Variants in ARFIP1 observed in about 807,000 individuals in gnomAD.
ARFIP1 encodes arfaptin-1.
Under a neutral mutation model 42.5 loss-of-function variants are expected in ARFIP1, and 24 were observed. That is an observed-to-expected ratio of 0.57 (90% CI 0.41 to 0.80). The LOEUF (loss-of-function observed/expected upper bound fraction) is 0.80, where lower values mean the gene tolerates loss of function less well. Among genes scored for constraint, ARFIP1 ranks in the 30% least tolerant of loss-of-function variants. The pLI is 0.00. For synonymous variants in ARFIP1, 141 were observed against 153.7 expected (o/e 0.92, Z 0.61); for missense variants, 354 against 434.0 (o/e 0.82, Z 1.64).
At chr4:152,843,873 C>T (rs1319558000) in intron 2 of ARFIP1, among the ~76,000 whole-genome samples, 1 of 152,206 alleles carries the variant, frequency 6.6e-6, no homozygotes, top group Non-Finnish European at 1.5e-5. Flanking sequence ...GGGCTTGGTT[C>T]TTGCATGGCC....
At chr4:152,803,004 T>C (rs1435457919) in intron 1 of ARFIP1, among the ~76,000 whole-genome samples, 4 of 152,190 alleles carry the variant, frequency 2.6e-5, no homozygotes, top group Non-Finnish European at 5.9e-5. Flanking sequence ...GAAAAGGCTA[T>C]ACAGTAGGGG....
chr4:152,897,187 T>G (rs1165113161), intron 8 of ARFIP1, among the ~76,000 whole-genome samples: 2 of 152,266 alleles, frequency 1.3e-5, no homozygotes, highest in Admixed American at 1.3e-4. Flanking sequence ...AGGTTGATTT[T>G]TAAACTAGAC....
intron 8 of ARFIP1, among the ~76,000 whole-genome samples, chr4:152,901,731 C>T (rs1218949104): frequency 2.0e-5 from 3 of 152,122 alleles, no homozygotes; most frequent in Non-Finnish European, 4.4e-5. Context: ...TAACTTAGGA[C>T]ATAAATAGTT....
At chr4:152,819,648 C>T (rs892692983) in intron 1 of ARFIP1, among the ~76,000 whole-genome samples, 3 of 152,218 alleles carry the variant, frequency 2.0e-5, no homozygotes, top group Admixed American at 2.0e-4. Flanking sequence ...AAGGGAGTAC[C>T]CCGTGGGACA....
rs143265154 is a variant in ARFIP1 at position 152,857,890 on chromosome 4, C to G, written c.94-5716C>G. ...TGTCCCCACCCCCCAGAACATCAGT[C>G]TATGTGGGCAGGGACTTTATCTGTT... On this transcript the variant is annotated intron_variant, in intron 2 of 8. Coordinates refer to ENST00000353617, the MANE Select transcript of ARFIP1 (RefSeq NM_001025595.3). 6.6e-5 allele frequency among the ~76,000 whole-genome samples: 10 copies of G among 152,328 alleles called. No individual in the cohort carries two copies. The East Asian group carries it at 1.9e-3, about 29-fold the overall frequency.
In ARFIP1 at chr4:152,889,588, C is replaced by CATATATGTGTATAAATATATAT. The variant is rs1268260340; in HGVS notation, c.966+1282_966+1283insTATATGTGTATAAATATATATA. On this transcript the variant is annotated intron_variant, in intron 8 of 8. Transcript: ENST00000353617. The stretch of plus-strand genomic sequence containing the variant: ...TTATGTGTATATATAAATATATATA[C>CATATATGTGTATAAATATATAT]ACATAAATATATATATACTATATAT... Among the ~76,000 whole-genome samples, 3 of 106,456 alleles carry CATATATGTGTATAAATATATAT rather than the reference C, an allele frequency of 2.8e-5. No homozygotes were observed. The East Asian group carries it at 7.3e-4, about 26-fold the overall frequency. The allele number at this position is 106,456 out of a possible 152,430, so 69.8% of individuals were successfully genotyped here.
intron 3 of ARFIP1, 33 bp downstream of exon 3, chr4:152,863,747 G>A: frequency 7.0e-7 from 1 of 1,424,138 alleles, no homozygotes; most frequent in Non-Finnish European, 9.9e-7. Flanking sequence ...AGATGGCTGG[G>A]ATAGAGGATG....
At chr4:152,832,415 T>A (rs1429306552) in intron 2 of ARFIP1, among the ~76,000 whole-genome samples, 1 of 152,246 alleles carries the variant, frequency 6.6e-6, no homozygotes, top group Non-Finnish European at 1.5e-5. Context: ...TTGCCCGTTT[T>A]TCTACTGGGT....
intron 8 of ARFIP1, 137 bp from the exon 9 acceptor site, chr4:152,909,927 G>A (rs1738698648): frequency 3.6e-6 from 4 of 1,114,850 alleles, no homozygotes; most frequent in Non-Finnish European, 3.8e-6. Context: ...CTTGGTATGT[G>A]TGAAATACTT....
chr4:152,875,361 AAG>A (rs1257935154), intron 5 of ARFIP1, among the ~76,000 whole-genome samples: 2 of 145,002 alleles, frequency 1.4e-5, no homozygotes, highest in African/African-American at 5.2e-5. Context: ...GTGCTTTTTG[AAG>A]TTTGTCTTTT....
At chr4:152,834,409 C>T (rs1437848033) in intron 2 of ARFIP1, among the ~76,000 whole-genome samples, 1 of 152,174 alleles carries the variant, frequency 6.6e-6, no homozygotes, top group Non-Finnish European at 1.5e-5. Context: ...GAATTTCTTC[C>T]ACCTATGAGT....
chr4:152,859,964 T>C (rs1733755156), intron 2 of ARFIP1, among the ~76,000 whole-genome samples: 1 of 151,932 alleles, frequency 6.6e-6, no homozygotes, highest in African/African-American at 2.4e-5. Flanking sequence ...TATAATTTCA[T>C]GACTTTGTCA....
At position 152,847,518 on chromosome 4, in the gene ARFIP1, A is replaced by G. The variant is rs141801160; in HGVS notation, c.94-16088A>G. ...ATTATCTCAGTTTTTTACAGCAAAAATATTTCTGCTTCTAAATAAATGCAT... is the reference window on the plus strand; with the variant it reads ...ATTATCTCAGTTTTTTACAGCAAAAGTATTTCTGCTTCTAAATAAATGCAT... On this transcript the variant is annotated intron_variant, in intron 2 of 8. Transcript: ENST00000353617. Among the ~76,000 whole-genome samples the G allele has an allele frequency of 7.5e-3, 1,145 of 152,146 alleles. 11 individuals carry two copies. The highest frequency in any genetic ancestry group is 0.012 in the Non-Finnish European group (793 of 68,000).
intron 2 of ARFIP1, among the ~76,000 whole-genome samples, chr4:152,840,618 C>T (rs189998948): frequency 6.6e-6 from 1 of 151,902 alleles, no homozygotes; most frequent in African/African-American, 2.4e-5. Context: ...TTTACCACTC[C>T]TTTAAGTTTA....
At chr4:152,839,134 C>T (rs950897114) in intron 2 of ARFIP1, among the ~76,000 whole-genome samples, 5 of 152,152 alleles carry the variant, frequency 3.3e-5, no homozygotes, top group African/African-American at 1.2e-4. Context: ...ATGAAACCCA[C>T]TTGATCATGG....
At chr4:152,801,583 T>C (rs1184820355) in intron 1 of ARFIP1, among the ~76,000 whole-genome samples, 1 of 152,184 alleles carries the variant, frequency 6.6e-6, no homozygotes, top group Non-Finnish European at 1.5e-5. Flanking sequence ...ATTACCTTCC[T>C]ACTGAGGCCA....
intron 3 of ARFIP1, among the ~76,000 whole-genome samples, chr4:152,864,521 C>CGAAT (rs1256525139): frequency 6.6e-6 from 1 of 152,206 alleles, no homozygotes; most frequent in African/African-American, 2.4e-5. Flanking sequence ...TTGCTTAATT[C>CGAAT]CTCCAGCAGT....
chr4:152,795,157 G>A (rs1251607344), intron 1 of ARFIP1, among the ~76,000 whole-genome samples: 4 of 148,812 alleles, frequency 2.7e-5, no homozygotes, highest in Admixed American at 1.3e-4. Flanking sequence ...TTATCCTTCC[G>A]GTGTTTTTGT....
Position 152,863,633 on chromosome 4 carries a change from C to T in ARFIP1, c.121C>T (p.Leu41Phe). 6.2e-7 allele frequency: 1 copy of T among 1,606,652 alleles called. No individual in the cohort carries two copies. The highest frequency in any genetic ancestry group is 1.3e-5 in the African/African-American group (1 of 74,846). Residue 41 changes from leucine to phenylalanine, a missense_variant, in exon 3 of 9, where the codon CTT becomes TTT. Transcript: ENST00000353617. ...TTTGAAGCATTCATTACCATCTGGA[C>T]TTGGTCTCTCAGAAACCCAAATTAC... Reference protein sequence around the residue: ...RDLKHSLPSGLGLSETQITSH... With the variant: ...RDLKHSLPSGFGLSETQITSH...
Sources: allele counts gnomAD v4.1 joint callset (sites outside exome capture counted in the v4.1 genomes callset), GRCh38; gene constraint gnomAD v4.1.1; transcripts MANE v1.5; gene names NCBI Gene and HGNC (gene_info 2026-07-23, HGNC 2026-07-21).